Variants in PRPS2 observed in about 807,000 individuals in gnomAD.
The protein encoded by PRPS2 is phosphoribosyl pyrophosphate synthetase 2, also known as ribose-phosphate pyrophosphokinase 2.
For synonymous variants in PRPS2, 111 were observed against 115.3 expected (o/e 0.96, Z 0.24); for missense variants, 104 against 271.5 (o/e 0.38, Z 4.34).
intron 2 of PRPS2, among the ~76,000 whole-genome samples, chrX:12,800,129 G>A (rs1361969754): frequency 1.8e-5 from 2 of 111,965 alleles, no homozygotes; most frequent in African/African-American, 3.2e-5. Flanking sequence ...CATAAACCGC[G>A]TGGCTTAAAA....
intron 2 of PRPS2, among the ~76,000 whole-genome samples, chrX:12,808,599 C>G (rs1280550088): frequency 3.6e-5 from 4 of 112,384 alleles, no homozygotes; most frequent in African/African-American, 1.3e-4. Flanking sequence ...TAACTATTAT[C>G]AATCCCCTTA....
intron 6 of PRPS2, among the ~76,000 whole-genome samples, chrX:12,821,536 T>A (rs2042676259): frequency 8.9e-6 from 1 of 111,813 alleles, no homozygotes; most frequent in Admixed American, 9.5e-5. Context: ...AAATAAACAA[T>A]GGTGATAGTT....
intron 2 of PRPS2, among the ~76,000 whole-genome samples, chrX:12,806,988 G>A (rs1464339545): frequency 9.1e-6 from 1 of 109,858 alleles, no homozygotes; most frequent in Non-Finnish European, 1.9e-5. Flanking sequence ...CTCGGGAGGT[G>A]GAGGTTGCGG....
rs371727925 is a variant in PRPS2, at chrX:12,810,169, C to A, written c.530+23C>A. ...AAGGTATCATGCAGGCTACACCTTG[C>A]AGATTTCTCCATCTGCTGATTGGTT... is the stretch of plus-strand genomic sequence containing the variant. On this transcript the variant is annotated intron_variant, in intron 4 of 6. Transcript: ENST00000380668. The A allele has an allele frequency of 1.1e-5, 13 of 1,203,842 alleles. No individual in the cohort carries two copies. The South Asian group carries it at 2.4e-4, about 22-fold the overall frequency.
At chrX:12,819,480 G>A (rs891225526) in intron 4 of PRPS2, 27 bp from the exon 5 acceptor site, 8 of 1,196,528 alleles carry the variant, frequency 6.7e-6, no homozygotes, top group Admixed American at 2.2e-5. Flanking sequence ...TTGACTGTAT[G>A]AACATGTTCA....
chrX:12,791,558 G>T lies in PRPS2; in HGVS notation c.61G>T (p.Asp21Tyr). The change falls in exon 1 of 7, where the codon GAC becomes TAC. Residue 21 changes from aspartate to tyrosine, a missense_variant. Transcript: ENST00000380668. ...TCAGGACCTGTCCCAGCGCGTGGCC[G>T]ACCGCCTGGGCCTGGAGCTGGGCAA... ...SHQDLSQRVA[D>Y]RLGLELGKVV... 8.3e-7 allele frequency: 1 copy of T among 1,201,806 alleles called. No individual in the cohort carries two copies. The highest frequency in any genetic ancestry group is 1.1e-6 in the Non-Finnish European group (1 of 891,085).
At chrX:12,804,828 A>C (rs1380413505) in intron 2 of PRPS2, among the ~76,000 whole-genome samples, 1 of 111,782 alleles carries the variant, frequency 8.9e-6, no homozygotes, top group Non-Finnish European at 1.9e-5. Context: ...GCACAGCCGC[A>C]GGAGGAGCTC....
At chrX:12,811,518 G>A (rs935652448) in intron 4 of PRPS2, among the ~76,000 whole-genome samples, 4 of 111,769 alleles carry the variant, frequency 3.6e-5, no homozygotes, top group Non-Finnish European at 7.5e-5. Context: ...AAAAAGCTGG[G>A]AAGGGAGTTT....
chrX:12,813,033 A>G (rs1008476809), intron 4 of PRPS2, among the ~76,000 whole-genome samples: 5 of 112,260 alleles, frequency 4.5e-5, no homozygotes, highest in African/African-American at 1.3e-4. Flanking sequence ...TTGTTTTTAT[A>G]TACATAGTCT....
intron 3 of PRPS2, 22 bp downstream of exon 3, chrX:12,809,354 A>C: frequency 8.6e-7 from 1 of 1,169,329 alleles, no homozygotes; most frequent in Non-Finnish European, 1.2e-6. Context: ...TTCCTTCTGC[A>C]AATGGTTAAA....
chrX:12,797,095 C>T (rs773576960), intron 1 of PRPS2, among the ~76,000 whole-genome samples: 6 of 110,334 alleles, frequency 5.4e-5, no homozygotes, highest in Non-Finnish European at 1.9e-5. Context: ...CAATGGCTCA[C>T]GTCTGTAATC....
At position 12,809,365 on chromosome X, in the gene PRPS2, T is replaced by C. The variant is rs1190096242; in HGVS notation, c.405+33T>C. On this transcript the variant is annotated intron_variant, in intron 3 of 6. Coordinates refer to ENST00000380668, the MANE Select transcript of PRPS2 (RefSeq NM_002765.5). Reference sequence around the variant, plus strand: ...TGTTTTCCTTCTGCAAATGGTTAAATCAAGTCTGTTAAATTAAATAATCTT... The same window carrying C: ...TGTTTTCCTTCTGCAAATGGTTAAACCAAGTCTGTTAAATTAAATAATCTT... The C allele has an allele frequency of 3.5e-6, 4 of 1,141,414 alleles. No homozygotes were observed. The Admixed American group carries it at 9.0e-5, about 26-fold the overall frequency. 94.1% of individuals were successfully genotyped at this position (1,141,414 alleles called of 1,213,427 possible). A position where few individuals can be genotyped will look rare whatever the true frequency, so the allele number is the denominator to read the frequency against.
chrX:12,796,213 CTTT>C (rs751352461), intron 1 of PRPS2, among the ~76,000 whole-genome samples: 5 of 38,681 alleles, frequency 1.3e-4, no homozygotes, highest in African/African-American at 4.6e-4. Context: ...ATAATTGGCT[CTTT>C]TTTTTTTTTT....
intron 6 of PRPS2, 75 bp downstream of exon 6, chrX:12,820,878 G>T (rs1265940047): frequency 1.2e-5 from 12 of 1,027,105 alleles, no homozygotes; most frequent in Non-Finnish European, 1.6e-5. Flanking sequence ...ATCATGTCTT[G>T]TGTGTGTGTG....
chrX:12,798,728 C>T (rs1241467928), intron 1 of PRPS2, among the ~76,000 whole-genome samples: 1 of 111,994 alleles, frequency 8.9e-6, no homozygotes, highest in Non-Finnish European at 1.9e-5. Context: ...AGGGTACCCA[C>T]CATTTCCCAG....
intron 4 of PRPS2, among the ~76,000 whole-genome samples, chrX:12,811,090 C>T (rs935704885): frequency 8.9e-6 from 1 of 112,185 alleles, no homozygotes; most frequent in Non-Finnish European, 1.9e-5. Context: ...CCTAGCTGCT[C>T]GGTGAGTGCT....
chrX:12,795,729 C>A (rs1365762677), intron 1 of PRPS2, among the ~76,000 whole-genome samples: 1 of 112,506 alleles, frequency 8.9e-6, no homozygotes, highest in Middle Eastern at 4.2e-3. Context: ...CTAATCACCT[C>A]TTAAAGGTCT....
At chrX:12,821,041 A>G (rs2042673118) in intron 6 of PRPS2, among the ~76,000 whole-genome samples, 1 of 112,413 alleles carries the variant, frequency 8.9e-6, no homozygotes, top group Admixed American at 9.5e-5. Context: ...ATGGAAAAAC[A>G]GTCAGAAACG....
At chrX:12,814,209 A>T (rs1025205234) in intron 4 of PRPS2, among the ~76,000 whole-genome samples, 2 of 111,648 alleles carry the variant, frequency 1.8e-5, no homozygotes, top group Non-Finnish European at 3.8e-5. Context: ...TTTTAAAAAA[A>T]TGCAGAATAA....
Sources: allele counts gnomAD v4.1 joint callset (sites outside exome capture counted in the v4.1 genomes callset), GRCh38; gene constraint gnomAD v4.1.1; transcripts MANE v1.5; gene names NCBI Gene and HGNC (gene_info 2026-07-23, HGNC 2026-07-21).